PTPRA: variants seen among roughly 807,000 people sequenced by gnomAD.
PTPRA encodes receptor-type tyrosine-protein phosphatase alpha.
A neutral mutation model predicts 104.8 loss-of-function variants in PTPRA; 25 were observed. The ratio of observed to expected loss-of-function variants is 0.24; its 90% CI spans 0.17 to 0.33. The LOEUF (loss-of-function observed/expected upper bound fraction) is 0.33. Among genes scored for constraint, PTPRA ranks in the 10% least tolerant of loss-of-function variants. The pLI is 1.00. For missense variants in PTPRA, 765 were observed against 1,015.3 expected, an observed-to-expected ratio of 0.75 and a Z score of 3.35; for synonymous variants, 323 against 368.9, an observed-to-expected ratio of 0.88 and a Z score of 1.43.
chr20:3,026,618 G>A (rs2065158202), intron 17 of PTPRA, 69 bp from the exon 18 acceptor site: 1 of 1,268,932 alleles, frequency 7.9e-7, no homozygotes, highest in South Asian at 1.2e-5. Flanking sequence ...GCAGGCCAAG[G>A]GACAGGCATA....
intron 9 of PTPRA, among the ~76,000 whole-genome samples, chr20:2,991,516 T>C (rs2063173975): frequency 6.6e-6 from 1 of 152,200 alleles, no homozygotes; most frequent in South Asian, 2.1e-4. Context: ...TTACTATACT[T>C]TTTTTCTGAC....
At position 3,035,400 on chromosome 20, in the gene PTPRA, G is replaced by T. The variant is rs1276987157; in HGVS notation, c.1921-185G>T. Among the ~76,000 whole-genome samples the T allele has an allele frequency of 6.6e-6, 1 of 152,182 alleles. No individual in the cohort carries two copies. On this transcript the variant is annotated intron_variant, in intron 20 of 23. Coordinates refer to ENST00000399903, the MANE Select transcript of PTPRA (RefSeq NM_001385305.1). This position sits in a 1 kb window ranked among gnomAD's most constrained non-coding sequence, Gnocchi z 5.8. ...CCCGGCAGTGTTTTAGATGGTCTCT[G>T]GTGAGGATCGGAGGTTAATTGGAAT... is the stretch of plus-strand genomic sequence containing the variant.
chr20:3,003,604 G>A (rs916197435), intron 9 of PTPRA, among the ~76,000 whole-genome samples: 1 of 151,968 alleles, frequency 6.6e-6, no homozygotes, highest in Non-Finnish European at 1.5e-5. Context: ...GAGTGCAGTG[G>A]TATAATCATG....
chr20:2,889,519 T>C (rs2058716327), intron 1 of PTPRA, among the ~76,000 whole-genome samples: 1 of 152,240 alleles, frequency 6.6e-6, no homozygotes, highest in African/African-American at 2.4e-5. Flanking sequence ...TTTCATTAGC[T>C]GAATCTGAAT....
intron 1 of PTPRA, among the ~76,000 whole-genome samples, chr20:2,896,794 CA>C (rs1161375376): frequency 6.6e-6 from 1 of 152,122 alleles, no homozygotes; most frequent in African/African-American, 2.4e-5. Context: ...AAAACAAAAG[CA>C]GAAAAACTTC....
chr20:2,918,862 AGTT>A (rs1446668283), intron 1 of PTPRA, among the ~76,000 whole-genome samples: 2 of 152,128 alleles, frequency 1.3e-5, no homozygotes, highest in African/African-American at 2.4e-5. Context: ...GCCATGTACC[AGTT>A]GTTTGTGGAC....
rs954137444 is a variant in PTPRA, at chr20:2,950,866, G to A, written c.-7+2842G>A. ...TAAAATTTATTACATTTTGATCCAT[G>A]TATATAGCAGGGAAATATCACCACA... On this transcript the variant is annotated intron_variant, in intron 3 of 23. Transcript: ENST00000399903. This position sits in a 1 kb window ranked among gnomAD's most constrained non-coding sequence, Gnocchi z 4.0. 6.6e-6 allele frequency among the ~76,000 whole-genome samples: 1 copy of A among 152,002 alleles called. No individual in the cohort carries two copies. Among genetic ancestry groups the A allele is most frequent in the East Asian group, 1.9e-4 (1 of 5,186 alleles).
intron 3 of PTPRA, among the ~76,000 whole-genome samples, chr20:2,953,612 TG>T (rs1173406254): frequency 2.0e-5 from 3 of 151,418 alleles, no homozygotes; most frequent in Admixed American, 6.6e-5. Flanking sequence ...TTTGGTGTTT[TG>T]TTTTTTTTTT....
At chr20:2,898,388 AT>A (rs1325071267) in intron 1 of PTPRA, among the ~76,000 whole-genome samples, 21 of 150,898 alleles carry the variant, frequency 1.4e-4, no homozygotes, top group African/African-American at 5.1e-4. Context: ...CAATTTTTCT[AT>A]TTTTAGTGGA....
At chr20:2,934,108 CTA>C (rs1482422392) in intron 2 of PTPRA, among the ~76,000 whole-genome samples, 1 of 152,032 alleles carries the variant, frequency 6.6e-6, no homozygotes, top group African/African-American at 2.4e-5. Flanking sequence ...ACTAAATAAT[CTA>C]TGAAAATTTT....
At chr20:2,884,197 A>T (rs1038184884) in intron 1 of PTPRA, among the ~76,000 whole-genome samples, 2 of 152,140 alleles carry the variant, frequency 1.3e-5, no homozygotes, top group African/African-American at 4.8e-5. Flanking sequence ...TGCTGCTGTG[A>T]ACATTCATGT....
At chr20:2,902,587 C>T (rs2059279429) in intron 1 of PTPRA, among the ~76,000 whole-genome samples, 1 of 152,078 alleles carries the variant, frequency 6.6e-6, no homozygotes, top group Non-Finnish European at 1.5e-5. Flanking sequence ...TCCAGGTCAT[C>T]CTAGAGGAGG....
At chr20:2,963,629 T>G (rs919402616) in intron 3 of PTPRA, among the ~76,000 whole-genome samples, 1 of 152,078 alleles carries the variant, frequency 6.6e-6, no homozygotes, top group East Asian at 1.9e-4. Flanking sequence ...TTAAGACTTA[T>G]TTTTACAGGT....
At chr20:2,930,256 C>T (rs1017457167) in intron 2 of PTPRA, among the ~76,000 whole-genome samples, 12 of 152,002 alleles carry the variant, frequency 7.9e-5, no homozygotes, top group South Asian at 4.1e-4. Flanking sequence ...TGGGAAGCAT[C>T]GAGACAAAGT....
intron 9 of PTPRA, among the ~76,000 whole-genome samples, chr20:3,002,782 C>G (rs1324139895): frequency 6.6e-6 from 1 of 152,150 alleles, no homozygotes; most frequent in Non-Finnish European, 1.5e-5. Flanking sequence ...ACTTTAAAAA[C>G]CTTCAATGAT....
At chr20:2,904,093 G>A (rs925739275) in intron 1 of PTPRA, among the ~76,000 whole-genome samples, 2 of 151,768 alleles carry the variant, frequency 1.3e-5, no homozygotes, top group African/African-American at 4.8e-5. Flanking sequence ...ATTTTTTTGT[G>A]TGTGTGGAGA....
intron 1 of PTPRA, among the ~76,000 whole-genome samples, chr20:2,878,614 T>C (rs1490126447): frequency 6.6e-5 from 10 of 152,316 alleles, no homozygotes; most frequent in African/African-American, 2.4e-4. Context: ...TTCTTTTGGA[T>C]TATTTCCTTG....
intron 1 of PTPRA, among the ~76,000 whole-genome samples, chr20:2,905,443 A>T (rs2059389641): frequency 6.6e-6 from 1 of 152,188 alleles, no homozygotes; most frequent in Non-Finnish European, 1.5e-5. Context: ...TTACACTTCC[A>T]GGGGTCAGTA....
chr20:3,018,990 C>A (rs1429534117), intron 13 of PTPRA, among the ~76,000 whole-genome samples: 1 of 138,336 alleles, frequency 7.2e-6, no homozygotes, highest in African/African-American at 2.7e-5. Context: ...GCTGATCCCC[C>A]AACCTCCCTC....
Sources: allele counts gnomAD v4.1 joint callset (sites outside exome capture counted in the v4.1 genomes callset), GRCh38; gene constraint gnomAD v4.1.1; non-coding constraint Gnocchi (gnomAD v3.1); transcripts MANE v1.5; gene names NCBI Gene and HGNC (gene_info 2026-07-23, HGNC 2026-07-21).